FANK1: variants seen among roughly 807,000 people sequenced by gnomAD.
FANK1 encodes the protein fibronectin type 3 and ankyrin repeat domains protein 1.
Under a neutral mutation model 45.3 loss-of-function variants are expected in FANK1, and 44 were observed. That is an observed-to-expected ratio of 0.97 (90% CI 0.76 to 1.25). The LOEUF is 1.25. Among genes scored for constraint, FANK1 ranks in the 50% most tolerant of loss-of-function variants. The pLI is 0.00. For missense variants in FANK1, 391 were observed against 424.4 expected (o/e 0.92, Z 0.69); for synonymous variants, 149 against 152.5 (o/e 0.98, Z 0.17).
At chr10:125,906,127 A>G (rs560065388) in intron 1 of FANK1, among the ~76,000 whole-genome samples, 1 of 152,390 alleles carries the variant, frequency 6.6e-6, no homozygotes, top group Admixed American at 6.5e-5. Flanking sequence ...AGCAACCGCC[A>G]TAAGCCTGAG....
At chr10:125,898,682 A>C (rs536197287) in intron 1 of FANK1, among the ~76,000 whole-genome samples, 4 of 152,054 alleles carry the variant, frequency 2.6e-5, no homozygotes, top group African/African-American at 9.7e-5. Context: ...GGAAAATTCA[A>C]CCGGAGCCTG....
intron 1 of FANK1, among the ~76,000 whole-genome samples, chr10:125,902,539 T>A (rs1945129450): frequency 6.6e-6 from 1 of 152,240 alleles, no homozygotes; most frequent in African/African-American, 2.4e-5. Context: ...TTGAAGTGCC[T>A]CTTGTGGATT....
intron 1 of FANK1, among the ~76,000 whole-genome samples, chr10:125,936,778 T>A (rs1948127305): frequency 6.6e-6 from 1 of 152,162 alleles, no homozygotes; most frequent in Admixed American, 6.6e-5. Context: ...TTATGAATAG[T>A]ACCTCTAGGC....
intron 1 of FANK1, among the ~76,000 whole-genome samples, chr10:125,928,344 G>A (rs1947521229): frequency 6.6e-6 from 1 of 150,920 alleles, no homozygotes; most frequent in Non-Finnish European, 1.5e-5. Flanking sequence ...GGTGCTAGTG[G>A]GAGTGTAGCA....
At chr10:125,908,234 G>A (rs1283494669) in intron 1 of FANK1, among the ~76,000 whole-genome samples, 2 of 152,144 alleles carry the variant, frequency 1.3e-5, no homozygotes, top group African/African-American at 4.8e-5. Context: ...CACCTCAGGT[G>A]ATCTGTCTGC....
At chr10:125,957,315 CGTT>C (rs911998439) in intron 1 of FANK1, among the ~76,000 whole-genome samples, 2 of 151,966 alleles carry the variant, frequency 1.3e-5, no homozygotes, top group Admixed American at 1.3e-4. Flanking sequence ...CCTCACAAAA[CGTT>C]GTTATTTTTG....
In FANK1 at chr10:126,009,404, AAAAGCAGAGGCC is replaced by A; in HGVS notation, c.1009_1020del (p.Gln337_Lys340del). 1 of 1,614,156 alleles carries A rather than the reference AAAAGCAGAGGCC, an allele frequency of 6.2e-7. No homozygotes were observed. The highest frequency in any genetic ancestry group is 1.1e-5 in the South Asian group (1 of 91,066). ...GTCTCCTTATTAGAAGAAAGGAAAAAAAAGCAGAGGCCAAAGAAGTCTTGTGTCTGCTGATGA... is the reference window on the plus strand; with the variant it reads ...GTCTCCTTATTAGAAGAAAGGAAAAAAAAGAAGTCTTGTGTCTGCTGATGA... On this transcript the variant is annotated inframe_deletion, in exon 11 of 11. Coordinates refer to ENST00000368693, the MANE Select transcript of FANK1 (RefSeq NM_145235.5).
chr10:125,990,899 C>T (rs1462030743), intron 3 of FANK1, among the ~76,000 whole-genome samples: 1 of 152,130 alleles, frequency 6.6e-6, no homozygotes, highest in African/African-American at 2.4e-5. Flanking sequence ...CAAGAGAGAG[C>T]ATGTGCAGGG....
intron 2 of FANK1, chr10:125,980,939 C>G (rs1951166899): frequency 6.5e-6 from 1 of 152,722 alleles, no homozygotes; most frequent in African/African-American, 2.4e-5. Context: ...TGCAGGCCTC[C>G]TGTAGCTCAG....
intron 1 of FANK1, among the ~76,000 whole-genome samples, chr10:125,904,635 C>G (rs1479864571): frequency 2.0e-5 from 3 of 151,964 alleles, no homozygotes; most frequent in African/African-American, 7.2e-5. Context: ...CTCGGCCTCC[C>G]AAAGTGCTGG....
At chr10:125,919,519 T>G (rs1190718821) in intron 1 of FANK1, among the ~76,000 whole-genome samples, 14 of 152,134 alleles carry the variant, frequency 9.2e-5, no homozygotes, top group Non-Finnish European at 2.9e-5. Flanking sequence ...GCTCCTTTTT[T>G]TGTAATGGAC....
chr10:125,941,677 G>A (rs917625827), intron 1 of FANK1, among the ~76,000 whole-genome samples: 22 of 152,168 alleles, frequency 1.4e-4, no homozygotes, highest in African/African-American at 4.6e-4. Flanking sequence ...GTACATTATG[G>A]TATATTCACA....
chr10:125,997,542 G>C, intron 6 of FANK1, 57 bp downstream of exon 6: 1 of 1,539,590 alleles, frequency 6.5e-7, no homozygotes. Context: ...GTGTTGCTAG[G>C]CTTGTGCCCA....
intron 1 of FANK1, among the ~76,000 whole-genome samples, chr10:125,967,145 G>A (rs1239370704): frequency 6.6e-6 from 1 of 152,148 alleles, no homozygotes; most frequent in East Asian, 1.9e-4. Flanking sequence ...TGGTATTAAA[G>A]TGTTCCTCTC....
intron 7 of FANK1, among the ~76,000 whole-genome samples, chr10:126,005,303 CTTTCT>C (rs1408884369): frequency 1.5e-5 from 2 of 134,602 alleles, no homozygotes; most frequent in African/African-American, 2.8e-5. Flanking sequence ...CTTCTACTTT[CTTTCT>C]TTTTTTTTTT....
chr10:125,900,627 G>GT lies in FANK1; in HGVS notation c.13+3981dup, dbSNP rs369116577. ...AGTTTTCTGCTACACGTTTCTTTCT[G>GT]TTTTTTTTTGTTTGTTTGTTTGTTG... On this transcript the variant is annotated intron_variant, in intron 1 of 10. Transcript: ENST00000368693. Among the ~76,000 whole-genome samples, 495 of 150,752 alleles carry GT rather than the reference G, an allele frequency of 3.3e-3. 1 individual carries two copies. The highest frequency in any genetic ancestry group is 0.011 in the African/African-American group (432 of 40,786).
At chr10:125,982,502 G>A (rs10901494) in intron 2 of FANK1, among the ~76,000 whole-genome samples, 59,998 of 152,092 alleles carry the variant, frequency 0.39, 12,024 homozygotes, top group South Asian at 0.46. Context: ...AAATCTTGAC[G>A]CTAGGTGGCA....
At chr10:125,902,567 C>G (rs1187179285) in intron 1 of FANK1, among the ~76,000 whole-genome samples, 1 of 152,262 alleles carries the variant, frequency 6.6e-6, no homozygotes, top group Non-Finnish European at 1.5e-5. Context: ...GGGTAAAGTT[C>G]ATTTAAATCA....
chr10:126,009,071 T>C lies in FANK1; in HGVS notation c.867T>C (p.Asn289=), dbSNP rs1253479916. 2 of 1,614,112 alleles carry C rather than the reference T, an allele frequency of 1.2e-6. No homozygotes were observed. Among genetic ancestry groups the C allele is most frequent in the Non-Finnish European group, 1.7e-6 (2 of 1,180,016 alleles). Residue 289 remains asparagine, a synonymous_variant, in exon 9 of 11, where the codon AAT becomes AAC. Coordinates refer to ENST00000368693, the MANE Select transcript of FANK1 (RefSeq NM_145235.5). ...KTPLMVAVLN[N]HEELVQLLLD... is the part of the protein sequence containing the mutation. Reference sequence around the variant, plus strand: ...TTTTCTAGGTGGCTGTGTTAAATAATCATGAAGAGTTAGTTCAGTTACTTC... The same window carrying C: ...TTTTCTAGGTGGCTGTGTTAAATAACCATGAAGAGTTAGTTCAGTTACTTC...
Sources: allele counts gnomAD v4.1 joint callset (sites outside exome capture counted in the v4.1 genomes callset), GRCh38; gene constraint gnomAD v4.1.1; transcripts MANE v1.5; gene names NCBI Gene and HGNC (gene_info 2026-07-23, HGNC 2026-07-21).